The following LRTM1 variants were observed in gnomAD, a reference collection of about 807,000 sequenced individuals.
The protein encoded by LRTM1 is leucine rich repeat transmembrane protein 1.
In LRTM1, 38 loss-of-function variants were observed where a neutral mutation model predicts 32.4. The observed-to-expected ratio is 1.17, with a 90% CI of 0.91 to 1.54. The LOEUF (loss-of-function observed/expected upper bound fraction) is 1.54. Among genes scored for constraint, LRTM1 ranks in the 40% most tolerant of loss-of-function variants. LRTM1 has a pLI of 0.00. For synonymous variants in LRTM1, 186 were observed against 169.9 expected (o/e 1.09, Z -0.74); for missense variants, 466 against 415.4 (o/e 1.12, Z -1.06).
At chr3:54,933,629 T>C (rs1701260503) in intron 1 of LRTM1, among the ~76,000 whole-genome samples, 2 of 152,232 alleles carry the variant, frequency 1.3e-5, no homozygotes, top group African/African-American at 4.8e-5. Context: ...TATTGCATTA[T>C]CTCACTTTAA....
intron 1 of LRTM1, among the ~76,000 whole-genome samples, chr3:54,940,107 C>A (rs975982329): frequency 6.6e-6 from 1 of 152,180 alleles, no homozygotes; most frequent in African/African-American, 2.4e-5. Context: ...CAGGAAAAAA[C>A]CACACACTCA....
At chr3:54,927,829 C>T (rs1188755278) in intron 1 of LRTM1, 76 bp downstream of exon 1, 15 of 1,477,030 alleles carry the variant, frequency 1.0e-5, no homozygotes, top group East Asian at 4.5e-5. Flanking sequence ...ATAGATTTCC[C>T]GCAGATACCT....
chr3:54,919,321 A>T (rs1228197231), intron 2 of LRTM1, among the ~76,000 whole-genome samples: 2 of 152,230 alleles, frequency 1.3e-5, no homozygotes, highest in African/African-American at 4.8e-5. Flanking sequence ...AAAATAAAAT[A>T]AATGTGCATT....
upstream of LRTM1, among the ~76,000 whole-genome samples, chr3:54,932,075 G>C (rs1049889568): frequency 6.6e-6 from 1 of 152,014 alleles, no homozygotes; most frequent in Non-Finnish European, 1.5e-5. Flanking sequence ...TGAGCTACTC[G>C]GGAGGCTGAG....
rs566004977 is a variant in LRTM1 at position 54,937,763 on chromosome 3, G to A, written c.-221-12548C>T. ...GCCATTCCAGGTAAAGGCATGGCAT[G>A]TGTTACGCTGAGAGGCCAGTGAGAT... On this transcript the variant is annotated intron_variant, in intron 1 of 2. Coordinates refer to the LRTM1 transcript ENST00000493075. Among the ~76,000 whole-genome samples the A allele has an allele frequency of 4.9e-4, 75 of 152,140 alleles. 1 individual carries two copies. Among genetic ancestry groups the A allele is most frequent in the Non-Finnish European group, 4.9e-4 (33 of 68,012 alleles).
At chr3:54,926,730 T>G (rs1418715060) in intron 1 of LRTM1, among the ~76,000 whole-genome samples, 2 of 152,192 alleles carry the variant, frequency 1.3e-5, no homozygotes, top group Admixed American at 6.5e-5. Flanking sequence ...ACATTTAGTA[T>G]TAATATTTAC....
At chr3:54,924,272 A>T (rs970929512) in intron 2 of LRTM1, among the ~76,000 whole-genome samples, 9 of 152,238 alleles carry the variant, frequency 5.9e-5, no homozygotes, top group Admixed American at 5.2e-4. Context: ...ATCAGACTTG[A>T]TAATAAGAGG....
intron 1 of LRTM1, among the ~76,000 whole-genome samples, chr3:54,946,191 C>T (rs1227925780): frequency 6.6e-6 from 1 of 152,206 alleles, no homozygotes; most frequent in African/African-American, 2.4e-5. Flanking sequence ...CCCTGCCTCT[C>T]ACTTTGCCTG....
intron 1 of LRTM1, among the ~76,000 whole-genome samples, chr3:54,958,187 T>C (rs1575406994): frequency 6.6e-6 from 1 of 152,216 alleles, no homozygotes; most frequent in Non-Finnish European, 1.5e-5. Flanking sequence ...TATTGATAAA[T>C]GCTATGAAGA....
intron 1 of LRTM1, among the ~76,000 whole-genome samples, chr3:54,947,009 G>A (rs1300346599): frequency 6.6e-6 from 1 of 152,190 alleles, no homozygotes; most frequent in Non-Finnish European, 1.5e-5. Context: ...GAGAGCCTTA[G>A]ACAAGTAATT....
rs898827938 is a variant in LRTM1, at chr3:54,944,063, C to T, written c.-221-18848G>A. Among the ~76,000 whole-genome samples the T allele has an allele frequency of 2.0e-4, 30 of 152,124 alleles. 1 individual carries two copies. Among genetic ancestry groups the T allele is most frequent in the Non-Finnish European group, 4.4e-5 (3 of 68,028 alleles). ...ATTTTGAATTTTGAAGGCATTGCTCCATTTTCTTTTGACTTCCTGTGTTGT... is the reference window on the plus strand; with the variant it reads ...ATTTTGAATTTTGAAGGCATTGCTCTATTTTCTTTTGACTTCCTGTGTTGT... On this transcript the variant is annotated intron_variant, in intron 1 of 2. Transcript: ENST00000493075.
At chr3:54,932,704 G>A (rs1198175812), upstream of LRTM1, among the ~76,000 whole-genome samples, 2 of 152,162 alleles carry the variant, frequency 1.3e-5, no homozygotes, top group African/African-American at 2.4e-5. Flanking sequence ...ACAAATATGA[G>A]CATTTCTCCC....
intron 1 of LRTM1, among the ~76,000 whole-genome samples, chr3:54,944,798 T>G (rs1047301965): frequency 6.8e-6 from 1 of 147,750 alleles, no homozygotes; most frequent in African/African-American, 2.6e-5. Context: ...ATATATTGAC[T>G]GTAGTTAGAG....
chr3:54,928,782 G>C (rs534493495), upstream of LRTM1, among the ~76,000 whole-genome samples: 3 of 149,608 alleles, frequency 2.0e-5, no homozygotes, highest in East Asian at 2.0e-4. Flanking sequence ...ATCTTTCTTC[G>C]TTTCCCTGAT....
chr3:54,934,207 C>T (rs1421771090), intron 1 of LRTM1, among the ~76,000 whole-genome samples: 2 of 152,154 alleles, frequency 1.3e-5, no homozygotes, highest in Non-Finnish European at 2.9e-5. Flanking sequence ...TTAAGGGAAC[C>T]TATAGTTGTA....
At chr3:54,938,039 G>A (rs1324733831) in intron 1 of LRTM1, among the ~76,000 whole-genome samples, 4 of 152,218 alleles carry the variant, frequency 2.6e-5, no homozygotes, top group Non-Finnish European at 4.4e-5. Flanking sequence ...GATTTCACAA[G>A]CATTATGAAA....
chr3:54,927,964 T>C lies in LRTM1; in HGVS notation c.-53A>G. ...GACCTCGTAGACCCTTTAATTAATG[T>C]GCAGAGCAACACACGAAGGGCATGG... is the stretch of plus-strand genomic sequence containing the variant. On this transcript the variant is annotated 5_prime_UTR_variant, in exon 1 of 3. Coordinates refer to ENST00000273286, the MANE Select transcript of LRTM1 (RefSeq NM_020678.4). The C allele has an allele frequency of 1.3e-6, 2 of 1,584,300 alleles. No homozygotes were observed. The highest frequency in any genetic ancestry group is 1.7e-5 in the Admixed American group (1 of 59,956).
chr3:54,952,550 CTT>C (rs1490200886), intron 1 of LRTM1, among the ~76,000 whole-genome samples: 1 of 152,180 alleles, frequency 6.6e-6, no homozygotes, highest in Non-Finnish European at 1.5e-5. Context: ...GAATGTCAAT[CTT>C]TTCTATAGGG....
At position 54,918,435 on chromosome 3, in the gene LRTM1, C is replaced by A. The variant is rs777859712; in HGVS notation, c.*24G>T. 2 of 1,592,842 alleles carry A rather than the reference C, an allele frequency of 1.3e-6. No individual in the cohort carries two copies. Among genetic ancestry groups the A allele is most frequent in the South Asian group, 2.2e-5 (2 of 90,198 alleles). ...ACACTATCTTCTGGCCTGCAATGAC[C>A]AATCCTATTTGAGACAAAAGCTCTC... On this transcript the variant is annotated 3_prime_UTR_variant, in exon 3 of 3. Transcript: ENST00000273286.
Sources: allele counts gnomAD v4.1 joint callset (sites outside exome capture counted in the v4.1 genomes callset), GRCh38; gene constraint gnomAD v4.1.1; transcripts MANE v1.5; gene names NCBI Gene and HGNC (gene_info 2026-07-23, HGNC 2026-07-21).